The following NR2F1-AS1 variants were observed in gnomAD, a reference collection of about 807,000 sequenced individuals.
The protein encoded by NR2F1-AS1 is NR2F1 regulatory antisense RNA 1.
At chr5:93,580,704 T>G (rs573400409) in exon 1 of NR2F1-AS1, 1 of 152,734 alleles carries the variant, frequency 6.5e-6, no homozygotes, top group East Asian at 1.9e-4. Context: ...GTATGGGGAG[T>G]ACGATTTAGA....
intron 4 of NR2F1-AS1, among the ~76,000 whole-genome samples, chr5:93,461,586 T>C (rs927552546): frequency 6.6e-6 from 1 of 152,066 alleles, no homozygotes; most frequent in Non-Finnish European, 1.5e-5. Context: ...AAAAGTATAA[T>C]CCTTGAACAT....
chr5:93,528,614 G>A (rs1751670455), intron 4 of NR2F1-AS1, among the ~76,000 whole-genome samples: 2 of 152,158 alleles, frequency 1.3e-5, no homozygotes, highest in Non-Finnish European at 2.9e-5. Context: ...GTTTATCGCA[G>A]CACTATTCAC....
chr5:93,582,002 CTTCT>C (rs1164597881), upstream of NR2F1-AS1, among the ~76,000 whole-genome samples: 1 of 106,022 alleles, frequency 9.4e-6, no homozygotes, highest in African/African-American at 4.9e-5. Context: ...CCTCTCCTCT[CTTCT>C]CTCTCTCTCT....
intron 4 of NR2F1-AS1, among the ~76,000 whole-genome samples, chr5:93,487,241 G>A (rs531108988): frequency 1.3e-5 from 2 of 152,116 alleles, no homozygotes; most frequent in Admixed American, 1.3e-4. Context: ...TGGAAGTTCT[G>A]GCCGCAGCAA....
chr5:93,581,729 T>C (rs867412749), upstream of NR2F1-AS1, among the ~76,000 whole-genome samples: 51 of 35,538 alleles, frequency 1.4e-3, 2 homozygotes, highest in African/African-American at 3.5e-3. Flanking sequence ...TCTCTCTCTC[T>C]CTCTCCCCCT....
intron 4 of NR2F1-AS1, among the ~76,000 whole-genome samples, chr5:93,447,836 T>C (rs567962417): frequency 6.6e-4 from 101 of 152,280 alleles, no homozygotes; most frequent in African/African-American, 2.4e-3. Context: ...GAAAATGTGG[T>C]GGCACATATA....
At chr5:93,582,003 TTCTCTC>T (rs144073259), upstream of NR2F1-AS1, among the ~76,000 whole-genome samples, 5 of 91,484 alleles carry the variant, frequency 5.5e-5, no homozygotes, top group East Asian at 3.1e-4. Flanking sequence ...CTCTCCTCTC[TTCTCTC>T]TCTCTCTCTC....
At chr5:93,570,455 G>C (rs1752727249) in intron 1 of NR2F1-AS1, 2 of 152,486 alleles carry the variant, frequency 1.3e-5, no homozygotes, top group Admixed American at 6.5e-5. Flanking sequence ...TTCGTTCGAC[G>C]GTGGATCTCT....
chr5:93,439,820 A>G (rs1011798612), intron 4 of NR2F1-AS1, among the ~76,000 whole-genome samples: 22 of 152,188 alleles, frequency 1.4e-4, no homozygotes, highest in Non-Finnish European at 2.2e-4. Flanking sequence ...TCAAAGTAGC[A>G]TTGGATGTCT....
intron 4 of NR2F1-AS1, among the ~76,000 whole-genome samples, chr5:93,524,149 G>C (rs979928419): frequency 1.3e-5 from 2 of 151,946 alleles, no homozygotes; most frequent in African/African-American, 4.8e-5. Context: ...AACCAGTTTA[G>C]AGAAGAACAT....
At chr5:93,576,046 C>T (rs1844343) in intron 1 of NR2F1-AS1, among the ~76,000 whole-genome samples, 19,955 of 152,088 alleles carry the variant, frequency 0.13, 1,705 homozygotes, top group African/African-American at 0.24. Context: ...AGTTTCTTTC[C>T]ATTAAGAGCG....
intron 4 of NR2F1-AS1, among the ~76,000 whole-genome samples, chr5:93,429,756 T>C (rs1405434170): frequency 1.3e-5 from 2 of 152,218 alleles, no homozygotes; most frequent in Non-Finnish European, 2.9e-5. Context: ...ATTGATGGAA[T>C]ATCTTTGTGT....
chr5:93,541,034 T>G (rs1042209767), intron 4 of NR2F1-AS1, among the ~76,000 whole-genome samples: 1 of 152,178 alleles, frequency 6.6e-6, no homozygotes, highest in South Asian at 2.1e-4. Context: ...TGCCTCAGGT[T>G]TCCCTAACCA....
chr5:93,440,400 T>C (rs1205356566), intron 4 of NR2F1-AS1, among the ~76,000 whole-genome samples: 5 of 152,346 alleles, frequency 3.3e-5, no homozygotes, highest in East Asian at 1.9e-4. Flanking sequence ...TGGATGGGCG[T>C]TGAGCAACCC....
chr5:93,527,359 T>C (rs538765918), intron 4 of NR2F1-AS1, among the ~76,000 whole-genome samples: 8 of 152,246 alleles, frequency 5.3e-5, no homozygotes, highest in South Asian at 2.1e-4. Flanking sequence ...CAGAAACAAA[T>C]GGAAAAACAT....
intron 4 of NR2F1-AS1, among the ~76,000 whole-genome samples, chr5:93,421,671 A>T (rs1027083030): frequency 6.6e-6 from 1 of 152,132 alleles, no homozygotes; most frequent in Non-Finnish European, 1.5e-5. Context: ...CTGCAAGTCA[A>T]GCTCCTCCGA....
At chr5:93,515,946 T>C (rs973188904) in intron 4 of NR2F1-AS1, among the ~76,000 whole-genome samples, 1 of 151,874 alleles carries the variant, frequency 6.6e-6, no homozygotes, top group African/African-American at 2.4e-5. Context: ...AAAAGGTACA[T>C]AGTAAGAACA....
At chr5:93,430,350 G>A (rs1221854266) in intron 4 of NR2F1-AS1, among the ~76,000 whole-genome samples, 2 of 152,160 alleles carry the variant, frequency 1.3e-5, no homozygotes, top group South Asian at 2.1e-4. Flanking sequence ...TCTTCGTGTC[G>A]TGGCACTTCC....
At chr5:93,471,164 T>A (rs939463320) in intron 4 of NR2F1-AS1, among the ~76,000 whole-genome samples, 1 of 151,948 alleles carries the variant, frequency 6.6e-6, no homozygotes, top group Non-Finnish European at 1.5e-5. Flanking sequence ...AACTATATAC[T>A]GATCAACTGA....
Sources: allele counts gnomAD v4.1 joint callset (sites outside exome capture counted in the v4.1 genomes callset), GRCh38; gene constraint gnomAD v4.1.1; transcripts MANE v1.5; gene names NCBI Gene and HGNC (gene_info 2026-07-23, HGNC 2026-07-21).